The following ZC3H12B variants were observed in gnomAD, a reference collection of about 807,000 sequenced individuals.
The protein encoded by ZC3H12B is probable ribonuclease ZC3H12B.
Under a neutral mutation model 43.9 loss-of-function variants are expected in ZC3H12B, and 7 were observed. The observed-to-expected ratio is 0.16, with a 90% CI of 0.09 to 0.30. The LOEUF is 0.30. ZC3H12B is among the 10% of genes least tolerant of loss of function. ZC3H12B has a pLI of 1.00. For synonymous variants in ZC3H12B, 222 were observed against 241.7 expected (o/e 0.92, Z 0.76); for missense variants, 475 against 670.2 (o/e 0.71, Z 3.22).
At chrX:65,282,865 C>T in the ZC3H12B span, among the ~76,000 whole-genome samples, 78 of 111,537 alleles carry the variant, frequency 7.0e-4, no homozygotes, top group Middle Eastern at 4.6e-3. Flanking sequence ...CAGGACCTGA[C>T]GGATTCACAG....
the ZC3H12B span, among the ~76,000 whole-genome samples, chrX:65,038,151 T>TC: frequency 9.0e-6 from 1 of 111,165 alleles, no homozygotes; most frequent in African/African-American, 3.3e-5. Flanking sequence ...TAACAGAAAT[T>TC]CACATATTAG....
chrX:65,451,201 C>T (rs757805155), intron 3 of ZC3H12B, among the ~76,000 whole-genome samples: 5 of 110,915 alleles, frequency 4.5e-5, no homozygotes, highest in African/African-American at 6.5e-5. Context: ...CCACACACCT[C>T]GGTATCCCAA....
chrX:65,069,407 C>T, the ZC3H12B span, among the ~76,000 whole-genome samples: 1 of 109,311 alleles, frequency 9.1e-6, no homozygotes, highest in African/African-American at 3.3e-5. Context: ...ACTAATCCTT[C>T]GGTTCTGCTA....
the ZC3H12B span, among the ~76,000 whole-genome samples, chrX:65,329,062 C>T: frequency 3.6e-5 from 4 of 110,580 alleles, no homozygotes; most frequent in East Asian, 5.7e-4. Flanking sequence ...GAGTATACAC[C>T]CAGTAATGGG....
the ZC3H12B span, among the ~76,000 whole-genome samples, chrX:65,350,081 T>C: frequency 2.3e-3 from 254 of 112,001 alleles, 2 homozygotes; most frequent in African/African-American, 7.8e-3. Flanking sequence ...CCAATATCCC[T>C]GATGAACCTC....
the ZC3H12B span, among the ~76,000 whole-genome samples, chrX:65,289,222 C>A: frequency 1.7e-4 from 19 of 110,777 alleles, no homozygotes; most frequent in Admixed American, 5.8e-4. Context: ...GCATTATTCA[C>A]AACGTTAGAA....
At chrX:65,055,089 C>A in the ZC3H12B span, among the ~76,000 whole-genome samples, 2 of 111,180 alleles carry the variant, frequency 1.8e-5, no homozygotes, top group African/African-American at 6.5e-5. Context: ...CCTTCTCCTG[C>A]CTGATTGCGC....
chrX:65,123,729 C>CT, the ZC3H12B span, among the ~76,000 whole-genome samples: 3,702 of 71,502 alleles, frequency 0.052, 123 homozygotes, highest in African/African-American at 0.11. Context: ...GTTGTTGTTT[C>CT]TTTTTTTTTT....
the ZC3H12B span, among the ~76,000 whole-genome samples, chrX:65,298,147 G>A: frequency 9.0e-6 from 1 of 111,536 alleles, no homozygotes; most frequent in East Asian, 2.8e-4. Context: ...AGATAAATAG[G>A]TGGGACTTAA....
intron 2 of ZC3H12B, among the ~76,000 whole-genome samples, chrX:65,374,364 C>T (rs1569380099): frequency 6.0e-5 from 6 of 99,619 alleles, no homozygotes; most frequent in Admixed American, 4.8e-4. Flanking sequence ...TACCGCAAGT[C>T]TCAGCATCAT....
the ZC3H12B span, among the ~76,000 whole-genome samples, chrX:65,055,620 T>A: frequency 8.9e-6 from 1 of 112,059 alleles, no homozygotes; most frequent in Admixed American, 9.4e-5. Context: ...TTAGGGAAGA[T>A]TTCCTCTTTT....
chrX:65,265,944 C>T, the ZC3H12B span, among the ~76,000 whole-genome samples: 8 of 111,720 alleles, frequency 7.2e-5, no homozygotes, highest in African/African-American at 2.6e-4. Flanking sequence ...TACATGAAGG[C>T]AGTTTCCAGA....
At chrX:65,275,206 G>A in the ZC3H12B span, among the ~76,000 whole-genome samples, 1 of 112,635 alleles carries the variant, frequency 8.9e-6, no homozygotes, top group East Asian at 2.8e-4. Flanking sequence ...TTCACTTCAG[G>A]CAGACATGCC....
At chrX:65,240,716 G>A in the ZC3H12B span, among the ~76,000 whole-genome samples, 13 of 111,991 alleles carry the variant, frequency 1.2e-4, no homozygotes, top group East Asian at 1.4e-3. Context: ...ATTTATCTTC[G>A]GTTTTTGGTA....
At chrX:65,180,248 A>G in the ZC3H12B span, among the ~76,000 whole-genome samples, 4 of 112,173 alleles carry the variant, frequency 3.6e-5, no homozygotes, top group Non-Finnish European at 7.5e-5. Context: ...AACCAATGAC[A>G]AAAACCACAT....
chrX:65,144,193 T>C, the ZC3H12B span, among the ~76,000 whole-genome samples: 1 of 111,882 alleles, frequency 8.9e-6, no homozygotes, highest in African/African-American at 3.3e-5. Flanking sequence ...TATTGGTCTG[T>C]TCAAGGTATC....
intron 3 of ZC3H12B, among the ~76,000 whole-genome samples, chrX:65,459,732 C>A (rs1477326405): frequency 1.8e-5 from 2 of 111,563 alleles, no homozygotes; most frequent in African/African-American, 6.5e-5. Flanking sequence ...CTATTTATGA[C>A]AACCCCACAG....
chrX:65,251,974 T>G, the ZC3H12B span, among the ~76,000 whole-genome samples: 1 of 111,880 alleles, frequency 8.9e-6, no homozygotes, highest in Admixed American at 9.5e-5. Context: ...AACACTATGT[T>G]GAATAGGAGT....
chrX:65,218,337 T>C, the ZC3H12B span, among the ~76,000 whole-genome samples: 1 of 112,275 alleles, frequency 8.9e-6, no homozygotes, highest in Non-Finnish European at 1.9e-5. Flanking sequence ...AGGAAGTGGA[T>C]TGCCACTGCA....
Sources: gnomAD v4.1 joint callset for allele counts (sites outside exome capture counted in the v4.1 genomes callset) on GRCh38, gnomAD v4.1.1 for gene constraint, MANE v1.5 for transcripts, NCBI Gene and HGNC (gene_info 2026-07-23, HGNC 2026-07-21) for gene names.